Variants in DEFB109B observed in about 807,000 individuals in gnomAD.
The protein encoded by DEFB109B is defensin beta 109B.
At chr8:7,310,581 CTGTGTGTGTGTGTG>C (rs373636252), upstream of DEFB109B, among the ~76,000 whole-genome samples, 2 of 131,964 alleles carry the variant, frequency 1.5e-5, no homozygotes, top group Non-Finnish European at 3.0e-5. Context: ...TTAGGTAATA[CTGTGTGTGTGTGTG>C]TGTGTGTGTG....
chr8:7,315,740 G>A (rs1356292869), intron 1 of DEFB109B, among the ~76,000 whole-genome samples: 1 of 141,290 alleles, frequency 7.1e-6, no homozygotes, highest in African/African-American at 3.1e-5. Context: ...CACAAAGCAT[G>A]TGTGGATCCG....
At chr8:7,312,327 G>T (rs564917809), upstream of DEFB109B, among the ~76,000 whole-genome samples, 1 of 138,894 alleles carries the variant, frequency 7.2e-6, no homozygotes, top group Non-Finnish European at 1.5e-5. Context: ...TAAGAGGGTC[G>T]ATCTTAGGGG....
chr8:7,319,618 A>T (rs1377384504), intron 1 of DEFB109B, 128 bp from the exon 2 acceptor site: 1 of 142,524 alleles, frequency 7.0e-6, no homozygotes, highest in Non-Finnish European at 1.5e-5. Context: ...CTGACATATG[A>T]GCAGCAACCA....
chr8:7,309,592 A>G (rs1234778970), upstream of DEFB109B, among the ~76,000 whole-genome samples: 1 of 147,906 alleles, frequency 6.8e-6, no homozygotes, highest in African/African-American at 2.7e-5. Flanking sequence ...CCTGCAACAG[A>G]GCATGCCCTT....
At chr8:7,315,634 C>A (rs1265883071) in intron 1 of DEFB109B, among the ~76,000 whole-genome samples, 1 of 130,346 alleles carries the variant, frequency 7.7e-6, no homozygotes, top group Non-Finnish European at 1.5e-5. Context: ...CAAGCCCACA[C>A]TCAGCCTTTC....
At chr8:7,320,034 C>T (rs1179469309), downstream of DEFB109B, 3 of 24,224 alleles carry the variant, frequency 1.2e-4, no homozygotes, top group South Asian at 3.9e-3. Context: ...GTACTTCCAT[C>T]TTGATAACCG....
At chr8:7,315,513 A>AG (rs71217267) in intron 1 of DEFB109B, among the ~76,000 whole-genome samples, 2 of 109,746 alleles carry the variant, frequency 1.8e-5, no homozygotes, top group Non-Finnish European at 3.7e-5. Context: ...AAAAAAAAAA[A>AG]GAAGAAGAAG....
At chr8:7,315,808 G>A (rs1458565765) in intron 1 of DEFB109B, among the ~76,000 whole-genome samples, 1 of 145,684 alleles carries the variant, frequency 6.9e-6, no homozygotes, top group African/African-American at 2.8e-5. Flanking sequence ...TTTTTTTAAA[G>A]ACTTCAGCTC....
At chr8:7,316,906 G>A (rs1470548695) in intron 1 of DEFB109B, among the ~76,000 whole-genome samples, 1 of 126,950 alleles carries the variant, frequency 7.9e-6, no homozygotes, top group Non-Finnish European at 1.5e-5. Flanking sequence ...CTCCCAAAGT[G>A]CTGCAATTAC....
chr8:7,311,777 A>C (rs1052528042), upstream of DEFB109B, among the ~76,000 whole-genome samples: 1 of 20,576 alleles, frequency 4.9e-5, no homozygotes, highest in Non-Finnish European at 7.4e-5. Flanking sequence ...ATAGCCTATG[A>C]TGTTCATTGT....
upstream of DEFB109B, among the ~76,000 whole-genome samples, chr8:7,309,777 C>T (rs1272492010): frequency 2.3e-5 from 3 of 129,916 alleles, no homozygotes; most frequent in East Asian, 2.2e-4. Flanking sequence ...GATTAAGCAA[C>T]ATGTTGCCTT....
intron 1 of DEFB109B, chr8:7,318,570 TA>T: frequency 7.8e-6 from 1 of 128,722 alleles, no homozygotes; most frequent in Non-Finnish European, 1.5e-5. Flanking sequence ...TCATATTTAA[TA>T]GGATCCATTT....
chr8:7,312,443 GCAAA>G (rs1802664475), upstream of DEFB109B, among the ~76,000 whole-genome samples: 1 of 141,738 alleles, frequency 7.1e-6, no homozygotes, highest in South Asian at 2.1e-4. Flanking sequence ...ATACTTATGT[GCAAA>G]CTTGCCAAAC....
At chr8:7,316,743 C>T (rs1223087570) in intron 1 of DEFB109B, among the ~76,000 whole-genome samples, 1 of 143,298 alleles carries the variant, frequency 7.0e-6, no homozygotes, top group Admixed American at 6.7e-5. Flanking sequence ...TCTCCTGCCT[C>T]AGCCTCCTGA....
In DEFB109B at chr8:7,315,769, TTCATTAC is replaced by T. The variant is rs1275170230; in HGVS notation, n.58+2869_58+2875del. Reference sequence around the variant, plus strand: ...GGATCCGTTCTTTTTTCAGTAGGGCTTCATTACTCTGAATTTAAGTTAATTAGCTTTT... The same window carrying T: ...GGATCCGTTCTTTTTTCAGTAGGGCTTCTGAATTTAAGTTAATTAGCTTTT... On this transcript the variant is annotated intron_variant and non_coding_transcript_variant, in intron 1 of 1. Coordinates refer to ENST00000382656, the Ensembl canonical transcript of DEFB109B. Among the ~76,000 whole-genome samples, 3 of 144,352 alleles carry T rather than the reference TTCATTAC, an allele frequency of 2.1e-5. No homozygotes were observed. In the East Asian group the frequency reaches 5.9e-4, roughly 28 times the overall value. The allele number at this position is 144,352 out of a possible 152,430, so 94.7% of individuals were successfully genotyped here.
At chr8:7,318,970 G>T (rs1345736067) in intron 1 of DEFB109B, 1 of 146,208 alleles carries the variant, frequency 6.8e-6, no homozygotes, top group Admixed American at 6.6e-5. Context: ...AGCAATTAAA[G>T]TAGATAGATC....
intron 1 of DEFB109B, among the ~76,000 whole-genome samples, chr8:7,315,744 G>A (rs1400951840): frequency 2.8e-5 from 4 of 141,230 alleles, no homozygotes; most frequent in African/African-American, 1.2e-4. Context: ...AAGCATGTGT[G>A]GATCCGTTCT....
intron 1 of DEFB109B, among the ~76,000 whole-genome samples, chr8:7,313,811 T>C (rs1176321099): frequency 7.7e-6 from 1 of 129,124 alleles, no homozygotes; most frequent in Non-Finnish European, 1.5e-5. Context: ...TTTCAAAAAG[T>C]CTAATACACT....
chr8:7,315,899 T>A (rs1802889143), intron 1 of DEFB109B, among the ~76,000 whole-genome samples: 1 of 120,290 alleles, frequency 8.3e-6, no homozygotes, highest in Admixed American at 8.2e-5. Context: ...TCTATAACTT[T>A]CTAAATTCTA....
Sources: gnomAD v4.1 joint callset for allele counts (sites outside exome capture counted in the v4.1 genomes callset) on GRCh38, gnomAD v4.1.1 for gene constraint, MANE v1.5 for transcripts, NCBI Gene and HGNC (gene_info 2026-07-23, HGNC 2026-07-21) for gene names.